The following SYNPO2 variants were observed in gnomAD, a reference collection of about 807,000 sequenced individuals.
The protein encoded by SYNPO2 is synaptopodin 2.
In SYNPO2, 56 loss-of-function variants were observed where a neutral mutation model predicts 85.0. That is an observed-to-expected ratio of 0.66 (90% CI 0.53 to 0.82). The LOEUF (loss-of-function observed/expected upper bound fraction) is 0.82. Among genes scored for constraint, SYNPO2 ranks in the 40% least tolerant of loss-of-function variants. The probability of loss-of-function intolerance (pLI) is 0.00; values close to 1 mark genes in which losing one functional copy is unlikely to be tolerated. For synonymous variants in SYNPO2, 602 were observed against 591.1 expected (o/e 1.02, Z -0.27); for missense variants, 1,575 against 1,534.2 (o/e 1.03, Z -0.44).
chr4:118,985,981 C>T (rs112117925), intron 1 of SYNPO2, among the ~76,000 whole-genome samples: 1 of 152,156 alleles, frequency 6.6e-6, no homozygotes, highest in African/African-American at 2.4e-5. Flanking sequence ...GATGTTGTAC[C>T]TCTCACTCTG....
chr4:118,900,482 C>T (rs947339027), intron 1 of SYNPO2, among the ~76,000 whole-genome samples: 5 of 151,924 alleles, frequency 3.3e-5, no homozygotes, highest in African/African-American at 4.8e-5. Flanking sequence ...TAGTCACTCC[C>T]TATATCATTG....
intron 2 of SYNPO2, among the ~76,000 whole-genome samples, chr4:119,024,254 G>T (rs1273489209): frequency 6.6e-6 from 1 of 152,168 alleles, no homozygotes; most frequent in South Asian, 2.1e-4. Context: ...GAAAACTACA[G>T]CATTGACATT....
chr4:118,925,483 G>C (rs1392079625), intron 1 of SYNPO2, among the ~76,000 whole-genome samples: 1 of 151,886 alleles, frequency 6.6e-6, no homozygotes, highest in Non-Finnish European at 1.5e-5. Context: ...GTCTCAGGCT[G>C]TCCACCTTAG....
chr4:118,880,721 TGGGCGACAGAGC>T (rs1157841765), intron 1 of SYNPO2, among the ~76,000 whole-genome samples: 4 of 144,766 alleles, frequency 2.8e-5, no homozygotes, highest in Non-Finnish European at 6.0e-5. Context: ...CACTCCAGCC[TGGGCGACAGAGC>T]GAGACTCTGT....
intron 1 of SYNPO2, among the ~76,000 whole-genome samples, chr4:118,940,901 T>C (rs1486618486): frequency 1.0e-5 from 1 of 97,408 alleles, no homozygotes; most frequent in Non-Finnish European, 2.3e-5. Flanking sequence ...ATGTTGGTGC[T>C]CCTCCGGGTT....
chr4:118,911,401 G>A (rs564595148), intron 1 of SYNPO2, among the ~76,000 whole-genome samples: 16 of 152,210 alleles, frequency 1.1e-4, no homozygotes, highest in African/African-American at 2.4e-4. Context: ...CCAGATGTAC[G>A]TCTGAGATTA....
At chr4:118,893,273 T>A (rs994321284) in intron 1 of SYNPO2, among the ~76,000 whole-genome samples, 5 of 152,056 alleles carry the variant, frequency 3.3e-5, no homozygotes, top group Non-Finnish European at 7.4e-5. Context: ...TTAAGGGAGG[T>A]TTCTGAAAGA....
chr4:119,011,048 A>G (rs1737280097), intron 1 of SYNPO2, among the ~76,000 whole-genome samples: 1 of 152,220 alleles, frequency 6.6e-6, no homozygotes. Flanking sequence ...CTATTAGTCA[A>G]TCGCAGCAGG....
At chr4:119,012,017 G>T (rs1296464309) in intron 1 of SYNPO2, among the ~76,000 whole-genome samples, 1 of 149,362 alleles carries the variant, frequency 6.7e-6, no homozygotes, top group Non-Finnish European at 1.5e-5. Flanking sequence ...CCACATCCCG[G>T]ATTCAAGTAA....
At chr4:119,051,340 C>A (rs1296867967) in intron 4 of SYNPO2, among the ~76,000 whole-genome samples, 2 of 149,086 alleles carry the variant, frequency 1.3e-5, no homozygotes, top group African/African-American at 5.0e-5. Context: ...CAAGCGCCCG[C>A]CACTACGCCC....
intron 1 of SYNPO2, among the ~76,000 whole-genome samples, chr4:118,935,659 C>T (rs926833400): frequency 3.3e-5 from 5 of 152,200 alleles, no homozygotes; most frequent in Admixed American, 6.5e-5. Context: ...TTAAAATGTG[C>T]GTATAACTTT....
intron 1 of SYNPO2, among the ~76,000 whole-genome samples, chr4:118,966,632 A>G (rs984469142): frequency 1.3e-5 from 2 of 152,188 alleles, no homozygotes; most frequent in Admixed American, 6.5e-5. Context: ...TTATATAGCT[A>G]TGTATCATAT....
upstream of SYNPO2, among the ~76,000 whole-genome samples, chr4:118,884,188 A>G (rs1251390691): frequency 6.6e-6 from 1 of 152,234 alleles, no homozygotes; most frequent in African/African-American, 2.4e-5. Context: ...TGCTATAAAC[A>G]TAATCCTGAG....
chr4:118,862,690 A>G (rs936071155), intron 1 of SYNPO2, among the ~76,000 whole-genome samples: 2 of 152,170 alleles, frequency 1.3e-5, no homozygotes, highest in Non-Finnish European at 2.9e-5. Flanking sequence ...TTTGGTCATG[A>G]TGAATGATCT....
intron 1 of SYNPO2, among the ~76,000 whole-genome samples, chr4:118,996,304 T>C (rs1180412410): frequency 6.6e-6 from 1 of 152,202 alleles, no homozygotes; most frequent in East Asian, 1.9e-4. Context: ...TTGCCTCCTC[T>C]AGAAAGGTTT....
At chr4:119,002,134 T>C (rs28720917) in intron 1 of SYNPO2, among the ~76,000 whole-genome samples, 21,239 of 152,276 alleles carry the variant, frequency 0.14, 1,790 homozygotes, top group South Asian at 0.32. Context: ...TATTTTCTCC[T>C]GATAATTGAC....
intron 1 of SYNPO2, among the ~76,000 whole-genome samples, chr4:118,953,199 G>C (rs1239497365): frequency 1.3e-5 from 2 of 152,154 alleles, no homozygotes; most frequent in African/African-American, 4.8e-5. Flanking sequence ...ACGTTGTTTG[G>C]TTGATTTATC....
At chr4:119,007,231 T>TATATATATATATATAC (rs1560971849) in intron 1 of SYNPO2, among the ~76,000 whole-genome samples, 1 of 49,282 alleles carries the variant, frequency 2.0e-5, no homozygotes, top group African/African-American at 9.4e-5. Context: ...TATATATATA[T>TATATATATATATATAC]ATATATATAT....
At position 119,057,864 on chromosome 4, in the gene SYNPO2, C is replaced by T. The variant is rs201943965; in HGVS notation, c.3716C>T (p.Ser1239Phe). Residue 1239 changes from serine (S) to phenylalanine (F), a missense_variant, in exon 5 of 5, where the codon TCT (serine) becomes TTT (phenylalanine). Around this residue, in one of 3 missense-constraint regions of SYNPO2, gnomAD observed 1,508 missense variants for 1,446.8 expected, o/e 1.04. Coordinates refer to ENST00000307142, the MANE Select transcript of SYNPO2 (RefSeq NM_133477.3). ...GCAATCATGTCCATGGAAACCAGGT[C>T]TGATTACTGTCTTCCAGTAGCTGAT... ...DSAIMSMETRSDYCLPVADYN... is the reference protein window; with the variant it reads ...DSAIMSMETRFDYCLPVADYN... 2 of 1,614,072 alleles carry T rather than the reference C, an allele frequency of 1.2e-6. No individual in the cohort carries two copies. Among genetic ancestry groups the T allele is most frequent in the East Asian group, 2.2e-5 (1 of 44,854 alleles).
Sources: allele counts gnomAD v4.1 joint callset (sites outside exome capture counted in the v4.1 genomes callset), GRCh38; gene constraint gnomAD v4.1.1; regional missense constraint gnomAD v4.1.1; transcripts MANE v1.5; gene names NCBI Gene and HGNC (gene_info 2026-07-23, HGNC 2026-07-21).